NPY2R: variants seen among roughly 807,000 people sequenced by gnomAD.
NPY2R encodes neuropeptide Y receptor Y2.
NPY2R carries 17 observed loss-of-function variants against 22.3 expected under a neutral mutation model. That is an observed-to-expected ratio of 0.76 (90% CI 0.52 to 1.14). The LOEUF (loss-of-function observed/expected upper bound fraction) is 1.14, where lower values mean the gene tolerates loss of function less well. Among genes scored for constraint, NPY2R ranks in the 50% most tolerant of loss-of-function variants. The pLI, the probability that NPY2R is intolerant of heterozygous loss-of-function variation, is 0.00. For missense variants in NPY2R, 424 were observed against 467.9 expected (o/e 0.91, Z 0.87); for synonymous variants, 209 against 183.4 (o/e 1.14, Z -1.13).
At chr4:155,196,033 T>C in the NPY2R span, among the ~76,000 whole-genome samples, 2 of 152,036 alleles carry the variant, frequency 1.3e-5, no homozygotes, top group African/African-American at 4.8e-5. Flanking sequence ...TCTTAGTAAT[T>C]ATTTCTAAAA....
At chr4:155,201,304 C>G in the NPY2R span, among the ~76,000 whole-genome samples, 1 of 152,072 alleles carries the variant, frequency 6.6e-6, no homozygotes, top group Non-Finnish European at 1.5e-5. Flanking sequence ...ACACAGAACA[C>G]TCTCTTTTAG....
the NPY2R span, among the ~76,000 whole-genome samples, chr4:155,177,372 A>G: frequency 2.0e-5 from 3 of 152,224 alleles, no homozygotes; most frequent in Non-Finnish European, 4.4e-5. Context: ...AGCCAGAAGA[A>G]AGGGCTAATG....
intron 1 of NPY2R, among the ~76,000 whole-genome samples, chr4:155,211,441 G>A (rs1383849440): frequency 6.6e-6 from 1 of 152,096 alleles, no homozygotes; most frequent in Non-Finnish European, 1.5e-5. Context: ...TGACAGAAGT[G>A]GACAGTATAT....
chr4:155,205,972 C>T (rs1045903704), upstream of NPY2R, among the ~76,000 whole-genome samples: 3 of 152,114 alleles, frequency 2.0e-5, no homozygotes, highest in Non-Finnish European at 4.4e-5. Flanking sequence ...TCTTAAAAAT[C>T]GTATCTGACA....
chr4:155,213,978 A>G lies in NPY2R; in HGVS notation c.39A>G (p.Thr13=), dbSNP rs775502345. 1.9e-6 allele frequency: 3 copies of G among 1,614,140 alleles called. No homozygotes were observed. Among genetic ancestry groups the G allele is most frequent in the African/African-American group, 2.7e-5 (2 of 75,020 alleles). ...GTGCAGAGGCTGATGAGAACCAGAC[A>G]GTGGAAGAAATGAAGGTGGAACAAT... is the stretch of plus-strand genomic sequence containing the variant. ...PIGAEADENQ[T]VEEMKVEQYG... The change falls in exon 2 of 2, where the codon ACA becomes ACG. Residue 13 remains threonine, a synonymous_variant. Coordinates refer to ENST00000329476, the MANE Select transcript of NPY2R (RefSeq NM_000910.4).
the NPY2R span, among the ~76,000 whole-genome samples, chr4:155,198,769 T>C: frequency 5.9e-5 from 9 of 151,802 alleles, no homozygotes; most frequent in East Asian, 1.9e-4. Flanking sequence ...GTGAACCACA[T>C]GTTCAAGACA....
chr4:155,182,214 A>G, the NPY2R span, among the ~76,000 whole-genome samples: 1 of 152,142 alleles, frequency 6.6e-6, no homozygotes, highest in African/African-American at 2.4e-5. Context: ...CACCACCACC[A>G]AAAGGAAAAG....
At position 155,213,838 on chromosome 4, in the gene NPY2R, G is replaced by A. The variant is rs536313858; in HGVS notation, c.-48-54G>A. 1,707 of 985,466 alleles carry A rather than the reference G, an allele frequency of 1.7e-3. 25 individuals are homozygous for A. The South Asian group carries it at 0.02, about 11-fold the overall frequency. 61.0% of individuals were successfully genotyped at this position (985,466 alleles called of 1,614,324 possible). A position where few individuals can be genotyped will look rare whatever the true frequency, so the allele number is the denominator to read the frequency against. ...TTTGCTTCACCTTTGTGTTTTCCTCGTTCCATTGGTTTTTGTTGTTGTTGT... is the reference window on the plus strand; with the variant it reads ...TTTGCTTCACCTTTGTGTTTTCCTCATTCCATTGGTTTTTGTTGTTGTTGT... On this transcript the variant is annotated intron_variant, in intron 1 of 1. Transcript: ENST00000329476.
chr4:155,185,484 C>G, the NPY2R span, among the ~76,000 whole-genome samples: 1 of 152,204 alleles, frequency 6.6e-6, no homozygotes, highest in Admixed American at 6.5e-5. Context: ...TTTACCTGTA[C>G]AAAATTATCA....
In NPY2R at chr4:155,215,770, C is replaced by G. The variant is rs1364148496; in HGVS notation, c.*685C>G. On this transcript the variant is annotated 3_prime_UTR_variant, in exon 2 of 2. Coordinates refer to ENST00000329476, the MANE Select transcript of NPY2R (RefSeq NM_000910.4). ...GGTGAAAGTTTCTTCAACTCTGAATCAAAAGCTGAAATTCTCAGAATTACA... is the reference window on the plus strand; with the variant it reads ...GGTGAAAGTTTCTTCAACTCTGAATGAAAAGCTGAAATTCTCAGAATTACA... The G allele has an allele frequency of 6.0e-6, 1 of 167,136 alleles. No homozygotes were observed. Among genetic ancestry groups the G allele is most frequent in the African/African-American group, 2.4e-5 (1 of 41,422 alleles). The allele number at this position is 167,136 out of a possible 1,614,324, so 10.4% of individuals were successfully genotyped here. A position where few individuals can be genotyped will look rare whatever the true frequency, so the allele number is the denominator to read the frequency against.
upstream of NPY2R, among the ~76,000 whole-genome samples, chr4:155,204,472 T>C (rs963856605): frequency 3.7e-4 from 56 of 152,176 alleles, no homozygotes; most frequent in Admixed American, 2.6e-4. Flanking sequence ...TAATGTGAAC[T>C]TGGCTTAAGG....
chr4:155,211,195 C>A (rs1227555729), intron 1 of NPY2R, among the ~76,000 whole-genome samples: 1 of 152,056 alleles, frequency 6.6e-6, no homozygotes, highest in Non-Finnish European at 1.5e-5. Context: ...CTTTAATATG[C>A]TATATAGTGT....
chr4:155,187,519 G>A, the NPY2R span, among the ~76,000 whole-genome samples: 70,469 of 151,458 alleles, frequency 0.47, 17,036 homozygotes, highest in East Asian at 0.69. Flanking sequence ...GAAGTGCAGA[G>A]GTAAAATTTG....
chr4:155,195,389 G>C, the NPY2R span, among the ~76,000 whole-genome samples: 1 of 151,938 alleles, frequency 6.6e-6, no homozygotes, highest in Non-Finnish European at 1.5e-5. Context: ...CTCATGCCAA[G>C]AGATTCTTTG....
At chr4:155,183,139 T>A in the NPY2R span, among the ~76,000 whole-genome samples, 3 of 152,160 alleles carry the variant, frequency 2.0e-5, no homozygotes, top group Admixed American at 6.6e-5. Context: ...GTTCGGGTAT[T>A]CCTCGGAGCA....
the NPY2R span, among the ~76,000 whole-genome samples, chr4:155,193,124 T>C: frequency 3.6e-4 from 54 of 152,030 alleles, no homozygotes; most frequent in African/African-American, 1.3e-3. Context: ...TCAATAATAA[T>C]AGCCAATATT....
chr4:155,215,043 C>G lies in NPY2R; in HGVS notation c.1104C>G (p.Asn368Lys). Residue 368 changes from asparagine to lysine, a missense_variant, in exon 2 of 2, where the codon AAC (asparagine) becomes AAG (lysine). Physicochemically the swap from Asn to Lys is moderately conservative, Grantham distance 94 (BLOSUM62 0). Transcript: ENST00000329476. Reference protein sequence around the residue: ...KAKKNLEVRKNSGPNDSFTEA... With the variant: ...KAKKNLEVRKKSGPNDSFTEA... Reference sequence around the variant, plus strand: ...AAAAGAACCTGGAGGTCAGAAAGAACAGTGGCCCCAATGACTCTTTCACAG... The same window carrying G: ...AAAAGAACCTGGAGGTCAGAAAGAAGAGTGGCCCCAATGACTCTTTCACAG... The G allele has an allele frequency of 6.2e-7, 1 of 1,613,718 alleles. No individual in the cohort carries two copies. The highest frequency in any genetic ancestry group is 8.5e-7 in the Non-Finnish European group (1 of 1,180,032).
chr4:155,180,108 T>TG, the NPY2R span, among the ~76,000 whole-genome samples: 4 of 151,942 alleles, frequency 2.6e-5, no homozygotes, highest in Admixed American at 6.6e-5. Context: ...TTTCTTAAGA[T>TG]GGGGTCTTGC....
At chr4:155,174,484 ATTTTT>A in the NPY2R span, among the ~76,000 whole-genome samples, 1,239 of 106,076 alleles carry the variant, frequency 0.012, 59 homozygotes, top group African/African-American at 0.052. Flanking sequence ...ATATATATAT[ATTTTT>A]TTTTTTAAAT....
Sources: allele counts gnomAD v4.1 joint callset (sites outside exome capture counted in the v4.1 genomes callset), GRCh38; gene constraint gnomAD v4.1.1; transcripts MANE v1.5; gene names NCBI Gene and HGNC (gene_info 2026-07-23, HGNC 2026-07-21).